SYT14: variants seen among roughly 807,000 people sequenced by gnomAD.
The protein encoded by SYT14 is synaptotagmin 14, also known as synaptotagmin-14.
SYT14 carries 32 observed loss-of-function variants against 74.2 expected under a neutral mutation model. The observed-to-expected ratio is 0.43, with a 90% CI of 0.33 to 0.58. SYT14 has a LOEUF of 0.58. Among genes scored for constraint, SYT14 ranks in the 20% least tolerant of loss-of-function variants. The pLI, the probability that SYT14 is intolerant of heterozygous loss-of-function variation, is 0.05. For missense variants in SYT14, 791 were observed against 981.8 expected (o/e 0.81, Z 2.60); for synonymous variants, 298 against 337.7 (o/e 0.88, Z 1.29).
At chr1:210,147,668 G>T (rs2102689321) in intron 7 of SYT14, among the ~76,000 whole-genome samples, 1 of 152,220 alleles carries the variant, frequency 6.6e-6, no homozygotes, top group African/African-American at 2.4e-5. Flanking sequence ...CTTAATTCTA[G>T]GTAAAGAAGA....
chr1:209,938,355 C>T, intron 1 of SYT14, 78 bp downstream of exon 1: 4 of 1,439,542 alleles, frequency 2.8e-6, no homozygotes, highest in Non-Finnish European at 3.7e-6. Context: ...GCCGGCAGGC[C>T]GAGGCGCTGA....
At chr1:210,156,425 T>C (rs1572392318) in intron 8 of SYT14, among the ~76,000 whole-genome samples, 1 of 152,172 alleles carries the variant, frequency 6.6e-6, no homozygotes, top group South Asian at 2.1e-4. Flanking sequence ...TTTTCTTAGA[T>C]GGAATGGGCT....
chr1:209,956,585 A>G (rs1230811703), intron 2 of SYT14, among the ~76,000 whole-genome samples: 7 of 152,198 alleles, frequency 4.6e-5, no homozygotes, highest in Admixed American at 4.6e-4. Context: ...ACAGGGCTAC[A>G]TCTATAGTAA....
chr1:209,963,502 G>C (rs542400428), intron 2 of SYT14, among the ~76,000 whole-genome samples: 27 of 152,238 alleles, frequency 1.8e-4, no homozygotes, highest in African/African-American at 6.5e-4. Context: ...TTATGTATTT[G>C]TTTTACCTAA....
intron 6 of SYT14, among the ~76,000 whole-genome samples, chr1:210,096,330 A>G (rs992172143): frequency 2.0e-5 from 3 of 152,182 alleles, no homozygotes; most frequent in Non-Finnish European, 4.4e-5. Flanking sequence ...CTCTCAGAGG[A>G]GTAAAGGACC....
intron 2 of SYT14, among the ~76,000 whole-genome samples, chr1:210,005,707 G>A (rs975622497): frequency 6.6e-5 from 10 of 151,898 alleles, no homozygotes; most frequent in Non-Finnish European, 1.3e-4. Context: ...TAATTCTAAA[G>A]CCTCAATCAA....
intron 2 of SYT14, among the ~76,000 whole-genome samples, chr1:209,979,899 G>T (rs2079449910): frequency 6.6e-6 from 1 of 152,160 alleles, no homozygotes; most frequent in African/African-American, 2.4e-5. Flanking sequence ...ATTGTGAATA[G>T]TGCTACAATG....
At chr1:210,004,628 A>G (rs126277) in intron 2 of SYT14, among the ~76,000 whole-genome samples, 58,819 of 151,710 alleles carry the variant, frequency 0.39, 12,556 homozygotes, top group East Asian at 0.57. Flanking sequence ...TACTTATTGA[A>G]AAGTAGCTCC....
At chr1:210,098,061 G>A (rs1015520171) in intron 6 of SYT14, among the ~76,000 whole-genome samples, 1 of 151,910 alleles carries the variant, frequency 6.6e-6, no homozygotes, top group African/African-American at 2.4e-5. Context: ...TGTGATTCCA[G>A]CTACTCAGGA....
chr1:210,034,866 A>G (rs796825965), intron 5 of SYT14, among the ~76,000 whole-genome samples: 3 of 151,922 alleles, frequency 2.0e-5, no homozygotes, highest in African/African-American at 7.2e-5. Flanking sequence ...TTCTTTATTC[A>G]ATCCTCTGTT....
rs114842458 is a variant in SYT14, at chr1:210,039,683, A to G, written c.1312+18429A>G. Among the ~76,000 whole-genome samples, 1,195 of 152,308 alleles carry G rather than the reference A, an allele frequency of 7.8e-3. 21 individuals carry two copies. The highest frequency in any genetic ancestry group is 0.027 in the African/African-American group (1,141 of 41,568). Reference sequence around the variant, plus strand: ...AATCTACAAAGCACTTAAATTTACAAGAAAAAACAAACAACTTCATCGAAA... The same window carrying G: ...AATCTACAAAGCACTTAAATTTACAGGAAAAAACAAACAACTTCATCGAAA... On this transcript the variant is annotated intron_variant, in intron 5 of 9. Coordinates refer to ENST00000637265, the Ensembl canonical transcript of SYT14.
chr1:210,020,260 A>G (rs763634272), intron 4 of SYT14, among the ~76,000 whole-genome samples: 1 of 152,178 alleles, frequency 6.6e-6, no homozygotes, highest in Non-Finnish European at 1.5e-5. Context: ...GAATAGATAC[A>G]TCATAATTTA....
chr1:210,016,454 G>A (rs1043116335), exon 4 of SYT14: 8 of 1,231,986 alleles, frequency 6.5e-6, no homozygotes, highest in Non-Finnish European at 8.1e-6. Context: ...GAATAATGGT[G>A]GGATATCAGT....
chr1:210,095,840 T>A (rs1182815765), intron 6 of SYT14, among the ~76,000 whole-genome samples: 1 of 152,182 alleles, frequency 6.6e-6, no homozygotes, highest in African/African-American at 2.4e-5. Context: ...ATGCTGATAT[T>A]TTAAGTTTAA....
chr1:210,022,625 C>T (rs181247403), intron 5 of SYT14, among the ~76,000 whole-genome samples: 25 of 152,226 alleles, frequency 1.6e-4, no homozygotes, highest in Admixed American at 1.2e-3. Context: ...TTTTAGATTT[C>T]TTTCATTGTC....
At chr1:209,995,941 A>G (rs905937637) in intron 2 of SYT14, among the ~76,000 whole-genome samples, 1 of 152,168 alleles carries the variant, frequency 6.6e-6, no homozygotes, top group Admixed American at 6.6e-5. Context: ...GAAAATGGAG[A>G]CACATCTTAC....
At chr1:210,036,135 G>A (rs139056235) in intron 5 of SYT14, among the ~76,000 whole-genome samples, 7 of 151,896 alleles carry the variant, frequency 4.6e-5, no homozygotes, top group African/African-American at 9.6e-5. Context: ...GTGGTTGAAT[G>A]TAGTACTAGG....
rs1209948327 is a variant in SYT14, at chr1:210,069,644, ATTC to A, written c.1313-24675_1313-24673del. Among the ~76,000 whole-genome samples, 18 of 152,058 alleles carry A rather than the reference ATTC, an allele frequency of 1.2e-4. No homozygotes were observed. The South Asian group carries it at 3.1e-3, about 26-fold the overall frequency. The stretch of plus-strand genomic sequence containing the variant: ...TGGTATTTGTTAAGTTATCTTTTTT[ATTC>A]TTTAATATTCAACCTTTATTCTTAA... On this transcript the variant is annotated intron_variant, in intron 5 of 9. Coordinates refer to ENST00000637265, the Ensembl canonical transcript of SYT14.
exon 8 of SYT14, chr1:210,155,807 A>G (rs748225655): frequency 1.2e-6 from 2 of 1,614,154 alleles, no homozygotes; most frequent in South Asian, 1.1e-5. Context: ...GCTCAGTTCC[A>G]GAAATTCTTA....
Sources: gnomAD v4.1 joint callset for allele counts (sites outside exome capture counted in the v4.1 genomes callset) on GRCh38, gnomAD v4.1.1 for gene constraint, MANE v1.5 for transcripts, NCBI Gene and HGNC (gene_info 2026-07-23, HGNC 2026-07-21) for gene names.